The following IMMP2L variants were observed in gnomAD, a reference collection of about 807,000 sequenced individuals.
IMMP2L encodes inner mitochondrial membrane peptidase subunit 2.
Under a neutral mutation model 19.3 loss-of-function variants are expected in IMMP2L, and 18 were observed. The ratio of observed to expected loss-of-function variants is 0.93; its 90% CI spans 0.64 to 1.38. The LOEUF is 1.38. Among genes scored for constraint, IMMP2L ranks in the 40% most tolerant of loss-of-function variants. IMMP2L has a pLI of 0.00. For synonymous variants in IMMP2L, 76 were observed against 73.0 expected (o/e 1.04, Z -0.21); for missense variants, 233 against 218.2 (o/e 1.07, Z -0.43).
rs560609844 is a variant in IMMP2L at position 110,669,100 on chromosome 7, T to C, written c.409-5379A>G. ...GTGTGTGTGTGTGTGTATATGTATA[T>C]ATATATATAGAGAGAGAGAGAGAGA... On this transcript the variant is annotated intron_variant, in intron 5 of 5. Coordinates refer to ENST00000405709, the MANE Select transcript of IMMP2L (RefSeq NM_032549.4). Among the ~76,000 whole-genome samples, 30 of 127,680 alleles carry C rather than the reference T, an allele frequency of 2.3e-4. 2 individuals carry two copies. The highest frequency in any genetic ancestry group is 9.9e-4 in the African/African-American group (24 of 24,178). 83.8% of individuals were successfully genotyped at this position (127,680 alleles called of 152,430 possible). A position where few individuals can be genotyped will look rare whatever the true frequency, so the allele number is the denominator to read the frequency against.
At chr7:111,222,504 G>C (rs954578311) in intron 3 of IMMP2L, among the ~76,000 whole-genome samples, 5 of 150,778 alleles carry the variant, frequency 3.3e-5, no homozygotes, top group Non-Finnish European at 7.4e-5. Flanking sequence ...TGACCAAAAA[G>C]AAAAATGAGT....
At chr7:110,780,224 T>C (rs1799645523) in intron 5 of IMMP2L, among the ~76,000 whole-genome samples, 1 of 151,158 alleles carries the variant, frequency 6.6e-6, no homozygotes, top group African/African-American at 2.4e-5. Context: ...CAAATTGGTA[T>C]TCAGGAAATT....
At chr7:111,265,932 C>T (rs1260047108) in intron 3 of IMMP2L, among the ~76,000 whole-genome samples, 1 of 152,098 alleles carries the variant, frequency 6.6e-6, no homozygotes, top group African/African-American at 2.4e-5. Context: ...TGACTGATTA[C>T]CCAAGTCAGT....
At chr7:111,158,350 A>T (rs1804875034) in intron 3 of IMMP2L, among the ~76,000 whole-genome samples, 1 of 152,106 alleles carries the variant, frequency 6.6e-6, no homozygotes, top group Non-Finnish European at 1.5e-5. Flanking sequence ...ACTCAACACT[A>T]ATGACAGTAA....
chr7:110,846,911 A>G (rs1805724248), intron 5 of IMMP2L, among the ~76,000 whole-genome samples: 1 of 152,148 alleles, frequency 6.6e-6, no homozygotes, highest in East Asian at 1.9e-4. Flanking sequence ...GGTTTTTGAC[A>G]TCTACCTTGT....
At chr7:110,838,970 CTAG>C (rs1804782051) in intron 5 of IMMP2L, among the ~76,000 whole-genome samples, 1 of 151,932 alleles carries the variant, frequency 6.6e-6, no homozygotes, top group African/African-American at 2.4e-5. Flanking sequence ...CACTTTAGAT[CTAG>C]TAGATGTTCT....
intron 5 of IMMP2L, among the ~76,000 whole-genome samples, chr7:110,844,636 C>G (rs763427992): frequency 3.1e-5 from 4 of 128,104 alleles, no homozygotes; most frequent in Admixed American, 8.3e-5. Flanking sequence ...AAAGATAAAT[C>G]TAGTCCTACG....
intron 3 of IMMP2L, among the ~76,000 whole-genome samples, chr7:111,047,921 C>T (rs1405259800): frequency 1.3e-5 from 2 of 152,128 alleles, no homozygotes; most frequent in Non-Finnish European, 2.9e-5. Context: ...CCCCAAAAAG[C>T]GAAGCAGTTA....
intron 2 of IMMP2L, among the ~76,000 whole-genome samples, chr7:111,500,500 A>C (rs1264317435): frequency 2.0e-5 from 3 of 152,204 alleles, no homozygotes; most frequent in Non-Finnish European, 4.4e-5. Flanking sequence ...GAAAGGGCAG[A>C]CTGCCTCCTC....
At chr7:111,285,283 A>C (rs1320228293) in intron 3 of IMMP2L, among the ~76,000 whole-genome samples, 1 of 152,176 alleles carries the variant, frequency 6.6e-6, no homozygotes, top group Non-Finnish European at 1.5e-5. Flanking sequence ...TCATCTAAGC[A>C]GGACACCCTG....
chr7:111,320,015 C>T (rs553913249), intron 3 of IMMP2L, among the ~76,000 whole-genome samples: 401 of 151,948 alleles, frequency 2.6e-3, no homozygotes, highest in Middle Eastern at 6.8e-3. Flanking sequence ...GCATTAAAAC[C>T]ACTTTAAAAA....
chr7:111,353,057 C>T (rs373748128), intron 3 of IMMP2L, among the ~76,000 whole-genome samples: 4 of 152,294 alleles, frequency 2.6e-5, no homozygotes, highest in South Asian at 2.1e-4. Context: ...CTAAGTGATA[C>T]CATGTCATTC....
At chr7:110,936,744 T>C (rs1816153092) in intron 4 of IMMP2L, among the ~76,000 whole-genome samples, 1 of 151,966 alleles carries the variant, frequency 6.6e-6, no homozygotes, top group East Asian at 1.9e-4. Flanking sequence ...TAAAGACACA[T>C]GCACACACAT....
chr7:111,453,298 G>A (rs1243996891), intron 3 of IMMP2L, among the ~76,000 whole-genome samples: 1 of 151,962 alleles, frequency 6.6e-6, no homozygotes, highest in East Asian at 1.9e-4. Context: ...AATACCTCTT[G>A]TATACATTTA....
intron 5 of IMMP2L, among the ~76,000 whole-genome samples, chr7:110,842,275 T>C (rs1344121947): frequency 1.3e-5 from 2 of 152,170 alleles, no homozygotes; most frequent in Non-Finnish European, 2.9e-5. Flanking sequence ...TAGCAAATCA[T>C]GAAACACTCA....
At chr7:110,845,419 C>G (rs937502887) in intron 5 of IMMP2L, among the ~76,000 whole-genome samples, 1 of 152,166 alleles carries the variant, frequency 6.6e-6, no homozygotes, top group African/African-American at 2.4e-5. Flanking sequence ...GCTGAGTCCT[C>G]TCTGCAGCCA....
chr7:111,066,550 C>T (rs1336220776), intron 3 of IMMP2L, among the ~76,000 whole-genome samples: 1 of 152,156 alleles, frequency 6.6e-6, no homozygotes, highest in Non-Finnish European at 1.5e-5. Context: ...GCACTAGATG[C>T]TTTACATTGG....
intron 3 of IMMP2L, among the ~76,000 whole-genome samples, chr7:111,035,903 C>T (rs1235469975): frequency 1.3e-5 from 2 of 152,062 alleles, no homozygotes; most frequent in Non-Finnish European, 2.9e-5. Context: ...GGGCAAGTTA[C>T]CTCCCTGTGC....
chr7:111,078,879 G>A (rs1464595816), intron 3 of IMMP2L, among the ~76,000 whole-genome samples: 1 of 151,960 alleles, frequency 6.6e-6, no homozygotes, highest in Non-Finnish European at 1.5e-5. Flanking sequence ...GCAGGCATGC[G>A]CCACCACACA....
Sources: allele counts gnomAD v4.1 joint callset (sites outside exome capture counted in the v4.1 genomes callset), GRCh38; gene constraint gnomAD v4.1.1; transcripts MANE v1.5; gene names NCBI Gene and HGNC (gene_info 2026-07-23, HGNC 2026-07-21).